GABBR2: variants seen among roughly 807,000 people sequenced by gnomAD.
The protein encoded by GABBR2 is gamma-aminobutyric acid type B receptor subunit 2.
Under a neutral mutation model 105.6 loss-of-function variants are expected in GABBR2, and 23 were observed. The observed-to-expected ratio is 0.22, with a 90% CI of 0.16 to 0.31. The LOEUF (loss-of-function observed/expected upper bound fraction) is 0.31. GABBR2 is among the 10% of genes least tolerant of loss of function. GABBR2 has a pLI of 1.00. For missense variants in GABBR2, 734 were observed against 1,245.5 expected, an observed-to-expected ratio of 0.59 and a Z score of 6.18; for synonymous variants, 478 against 499.7, an observed-to-expected ratio of 0.96 and a Z score of 0.58.
intron 13 of GABBR2, among the ~76,000 whole-genome samples, chr9:98,314,227 C>T (rs1296635799): frequency 6.6e-6 from 1 of 152,172 alleles, no homozygotes; most frequent in Non-Finnish European, 1.5e-5. Flanking sequence ...AGGAGCTGGG[C>T]TGCATTTTAT....
chr9:98,570,386 C>T (rs965126819), intron 2 of GABBR2, among the ~76,000 whole-genome samples: 4 of 152,346 alleles, frequency 2.6e-5, no homozygotes, highest in Admixed American at 2.0e-4. Context: ...CGTTTTCCTA[C>T]GAGCAGCCCT....
At chr9:98,342,629 G>A (rs1564024568) in intron 13 of GABBR2, among the ~76,000 whole-genome samples, 1 of 152,150 alleles carries the variant, frequency 6.6e-6, no homozygotes, top group African/African-American at 2.4e-5. Flanking sequence ...ATCTGGCTGG[G>A]GCCCCAGCCT....
intron 1 of GABBR2, among the ~76,000 whole-genome samples, chr9:98,651,340 C>T (rs1320790030): frequency 6.6e-6 from 1 of 152,008 alleles, no homozygotes; most frequent in African/African-American, 2.4e-5. Context: ...GACAGGGTTT[C>T]ACCATGTTGG....
intron 13 of GABBR2, among the ~76,000 whole-genome samples, chr9:98,340,940 C>T (rs1361671612): frequency 6.6e-6 from 1 of 152,264 alleles, no homozygotes; most frequent in Non-Finnish European, 1.5e-5. Context: ...ACACAAGTTT[C>T]CAATCATTCT....
At chr9:98,521,723 A>C (rs1186113072) in intron 3 of GABBR2, among the ~76,000 whole-genome samples, 1 of 152,190 alleles carries the variant, frequency 6.6e-6, no homozygotes, top group Non-Finnish European at 1.5e-5. Flanking sequence ...GTTATCATCC[A>C]GTCTTCCAGA....
chr9:98,513,740 TA>T (rs1238976118), intron 3 of GABBR2, among the ~76,000 whole-genome samples: 1 of 152,066 alleles, frequency 6.6e-6, no homozygotes, highest in Non-Finnish European at 1.5e-5. Context: ...TGGCGATCAT[TA>T]AAAAGTCAGG....
intron 5 of GABBR2, among the ~76,000 whole-genome samples, chr9:98,476,913 T>G (rs1588182584): frequency 6.6e-6 from 1 of 152,254 alleles, no homozygotes; most frequent in African/African-American, 2.4e-5. Flanking sequence ...AAGCAGGCTT[T>G]GAGTGAGGCT....
At chr9:98,686,656 A>G (rs1005913855) in intron 1 of GABBR2, among the ~76,000 whole-genome samples, 8 of 152,096 alleles carry the variant, frequency 5.3e-5, no homozygotes, top group Admixed American at 2.0e-4. Context: ...TCGGCCTCCC[A>G]AAGTGCTGGG....
chr9:98,394,882 T>C (rs1832259520), intron 8 of GABBR2, among the ~76,000 whole-genome samples: 1 of 152,222 alleles, frequency 6.6e-6, no homozygotes, highest in South Asian at 2.1e-4. Context: ...ATTCTGGAGT[T>C]CACATTGCTA....
intron 7 of GABBR2, among the ~76,000 whole-genome samples, chr9:98,445,410 A>G (rs988807442): frequency 6.6e-6 from 1 of 152,218 alleles, no homozygotes; most frequent in Admixed American, 6.5e-5. Context: ...CTATAAGGTT[A>G]TAGTAAAAAT....
chr9:98,447,713 C>T (rs962234365), intron 7 of GABBR2, among the ~76,000 whole-genome samples: 2 of 151,996 alleles, frequency 1.3e-5, no homozygotes, highest in African/African-American at 2.4e-5. Context: ...TGTTGGTTTT[C>T]TCTGGCTACC....
At chr9:98,679,831 A>AAC (rs2131868143) in intron 1 of GABBR2, among the ~76,000 whole-genome samples, 1 of 152,346 alleles carries the variant, frequency 6.6e-6, no homozygotes, top group African/African-American at 2.4e-5. Flanking sequence ...AATCTGAACA[A>AAC]ACAGGCCTTG....
intron 13 of GABBR2, among the ~76,000 whole-genome samples, chr9:98,334,838 C>A (rs72759636): frequency 0.039 from 5,999 of 152,266 alleles, 161 homozygotes; most frequent in Middle Eastern, 0.058. Context: ...AAGCTTAATC[C>A]ACTATCGCTT....
intron 6 of GABBR2, among the ~76,000 whole-genome samples, chr9:98,470,884 T>C (rs1826659756): frequency 6.6e-6 from 1 of 152,194 alleles, no homozygotes; most frequent in Admixed American, 6.5e-5. Flanking sequence ...AATTTCAGGC[T>C]TAGTCCCAGC....
intron 11 of GABBR2, among the ~76,000 whole-genome samples, chr9:98,377,893 G>A (rs2131473266): frequency 6.6e-6 from 1 of 152,268 alleles, no homozygotes; most frequent in South Asian, 2.1e-4. Flanking sequence ...AGCTGGTCTG[G>A]ACCTGCCAGG....
intron 3 of GABBR2, among the ~76,000 whole-genome samples, chr9:98,510,272 A>G (rs995006700): frequency 1.3e-5 from 2 of 152,238 alleles, no homozygotes; most frequent in African/African-American, 4.8e-5. Context: ...TGAAGGAAGC[A>G]CTAAACATGG....
chr9:98,677,855 C>G (rs1275784601), intron 1 of GABBR2, among the ~76,000 whole-genome samples: 2 of 152,210 alleles, frequency 1.3e-5, no homozygotes, highest in Admixed American at 6.5e-5. Context: ...AGCACCATCT[C>G]AGAGAGGCCT....
In GABBR2 at chr9:98,339,795, C is replaced by T. The variant is rs373580592; in HGVS notation, c.1893+22920G>A. 1.2e-4 allele frequency among the ~76,000 whole-genome samples: 19 copies of T among 152,278 alleles called. No homozygotes were observed. The South Asian group carries it at 3.3e-3, about 27-fold the overall frequency. On this transcript the variant is annotated intron_variant, in intron 13 of 18. Coordinates refer to ENST00000259455, the MANE Select transcript of GABBR2 (RefSeq NM_005458.8). ...ACACAACCCTCCCTCCCCCTGTATT[C>T]TCATGGAGCTCACATTCTAGTGAAT...
intron 7 of GABBR2, among the ~76,000 whole-genome samples, chr9:98,438,429 CAG>C (rs1227442683): frequency 1.3e-5 from 2 of 152,122 alleles, no homozygotes; most frequent in African/African-American, 4.8e-5. Flanking sequence ...AAGTAGGGGA[CAG>C]GGATGATAAA....
Sources: allele counts gnomAD v4.1 joint callset (sites outside exome capture counted in the v4.1 genomes callset), GRCh38; gene constraint gnomAD v4.1.1; transcripts MANE v1.5; gene names NCBI Gene and HGNC (gene_info 2026-07-23, HGNC 2026-07-21).